NBEA: variants seen among roughly 807,000 people sequenced by gnomAD.
NBEA encodes the protein neurobeachin, also known as lysosomal-trafficking regulator 2.
In NBEA, 44 loss-of-function variants were observed where a neutral mutation model predicts 343.4. The ratio of observed to expected loss-of-function variants is 0.13; its 90% CI spans 0.10 to 0.16. The LOEUF is 0.16. Ranked by LOEUF, NBEA falls within the 10% of genes least tolerant of loss-of-function variation. The probability of loss-of-function intolerance (pLI) is 1.00; values close to 1 mark genes in which losing one functional copy is unlikely to be tolerated. For missense variants in NBEA, 2,555 were observed against 3,631.3 expected (o/e 0.70, Z 7.62); for synonymous variants, 1,175 against 1,238.7 (o/e 0.95, Z 1.08).
At chr13:35,107,273 G>T (rs2589649) in intron 11 of NBEA, among the ~76,000 whole-genome samples, 1 of 148,098 alleles carries the variant, frequency 6.8e-6, no homozygotes, top group Non-Finnish European at 1.5e-5. Flanking sequence ...TACTTGTTTT[G>T]GTTCCCCCCC....
rs1301256349 is a variant in NBEA at position 35,008,771 on chromosome 13, C to T, written c.295-32162C>T. 1.3e-5 allele frequency among the ~76,000 whole-genome samples: 2 copies of T among 152,304 alleles called. 1 individual carries two copies. Among genetic ancestry groups the T allele is most frequent in the Non-Finnish European group, 2.9e-5 (2 of 68,024 alleles). Reference sequence around the variant, plus strand: ...TGGAATCATACAATATGGTCTGTTGCTACTGCCTTCTTTCTACTTAATATA... The same window carrying T: ...TGGAATCATACAATATGGTCTGTTGTTACTGCCTTCTTTCTACTTAATATA... On this transcript the variant is annotated intron_variant, in intron 1 of 58. Coordinates refer to ENST00000379939, the MANE Select transcript of NBEA (RefSeq NM_001385012.1).
At position 35,484,234 on chromosome 13, in the gene NBEA, ATGTGTGTG is replaced by A. The variant is rs397851790; in HGVS notation, c.6585+11732_6585+11739del. Reference sequence around the variant, plus strand: ...TACTTAAATATTTACCTACATTAATATGTGTGTGTGTGTGTGTGTGTGTGTGTGTGTGT... The same window carrying A: ...TACTTAAATATTTACCTACATTAATATGTGTGTGTGTGTGTGTGTGTGTGT... On this transcript the variant is annotated intron_variant, in intron 41 of 58. Coordinates refer to ENST00000379939, the MANE Select transcript of NBEA (RefSeq NM_001385012.1). 4.3e-3 allele frequency among the ~76,000 whole-genome samples: 537 copies of A among 124,760 alleles called. 4 individuals are homozygous for A. Among genetic ancestry groups the A allele is most frequent in the African/African-American group, 4.9e-3 (167 of 34,330 alleles). The allele number at this position is 124,760 out of a possible 152,430, so 81.8% of individuals were successfully genotyped here.
chr13:35,120,153 G>A (rs1241920486), intron 16 of NBEA, among the ~76,000 whole-genome samples: 1 of 152,132 alleles, frequency 6.6e-6, no homozygotes, highest in Non-Finnish European at 1.5e-5. Flanking sequence ...TGTCTAGTAT[G>A]ATGAAATGCA....
chr13:35,413,316 A>T (rs578228206), intron 38 of NBEA, among the ~76,000 whole-genome samples: 1 of 152,320 alleles, frequency 6.6e-6, no homozygotes, highest in African/African-American at 2.4e-5. Flanking sequence ...ATTACCACTT[A>T]ACTCTTGTAG....
At chr13:35,154,185 A>T (rs1234034404) in intron 18 of NBEA, among the ~76,000 whole-genome samples, 1 of 152,174 alleles carries the variant, frequency 6.6e-6, no homozygotes, top group African/African-American at 2.4e-5. Context: ...GAACATTCCT[A>T]ATATACTTAT....
At chr13:35,240,561 G>A (rs2030076158) in intron 34 of NBEA, among the ~76,000 whole-genome samples, 1 of 151,840 alleles carries the variant, frequency 6.6e-6, no homozygotes, top group South Asian at 2.1e-4. Flanking sequence ...AATTAATACT[G>A]GAGGAAATTC....
chr13:34,956,700 A>T (rs2059503607), intron 1 of NBEA, among the ~76,000 whole-genome samples: 1 of 152,186 alleles, frequency 6.6e-6, no homozygotes, highest in African/African-American at 2.4e-5. Context: ...AGTACACAGT[A>T]CAATATTGTT....
At chr13:35,247,179 G>A (rs1183960895) in intron 34 of NBEA, among the ~76,000 whole-genome samples, 1 of 152,146 alleles carries the variant, frequency 6.6e-6, no homozygotes, top group East Asian at 1.9e-4. Context: ...CAGTGGGTGA[G>A]CAGGGCTGAG....
At chr13:35,016,012 A>G (rs982138958) in intron 1 of NBEA, among the ~76,000 whole-genome samples, 4 of 152,164 alleles carry the variant, frequency 2.6e-5, no homozygotes, top group African/African-American at 9.6e-5. Context: ...ACACAGTTGC[A>G]TTAGAATTGA....
chr13:35,516,671 A>T (rs902009273), intron 41 of NBEA, among the ~76,000 whole-genome samples: 1 of 151,932 alleles, frequency 6.6e-6, no homozygotes, highest in Non-Finnish European at 1.5e-5. Context: ...GCTAGTTTTG[A>T]TATGTGTCTT....
At chr13:35,643,359 C>T (rs981920624) in intron 49 of NBEA, among the ~76,000 whole-genome samples, 1 of 152,126 alleles carries the variant, frequency 6.6e-6, no homozygotes, top group Non-Finnish European at 1.5e-5. Flanking sequence ...TTGGGGGCTG[C>T]TAACTTCCTG....
chr13:35,595,717 A>G (rs2081761864), intron 47 of NBEA, among the ~76,000 whole-genome samples: 1 of 151,894 alleles, frequency 6.6e-6, no homozygotes, highest in South Asian at 2.1e-4. Context: ...TTTATTTTTT[A>G]AGATATTGCC....
At position 35,472,314 on chromosome 13, in the gene NBEA, C is replaced by G. The variant is rs1231510015; in HGVS notation, c.6449-86C>G. The G allele has an allele frequency of 1.3e-5, 19 of 1,461,120 alleles. 1 individual carries two copies. The South Asian group carries it at 1.7e-4, about 13-fold the overall frequency. 90.5% of individuals were successfully genotyped at this position (1,461,120 alleles called of 1,614,324 possible). Reference sequence around the variant, plus strand: ...CACCATTTTTTCTAGTGCATCCTTACCAATAAAAACCTCTGGTACCTTTCT... The same window carrying G: ...CACCATTTTTTCTAGTGCATCCTTAGCAATAAAAACCTCTGGTACCTTTCT... On this transcript the variant is annotated intron_variant, in intron 40 of 58. Coordinates refer to ENST00000379939, the MANE Select transcript of NBEA (RefSeq NM_001385012.1).
At chr13:35,581,800 G>A (rs1245649389) in intron 45 of NBEA, among the ~76,000 whole-genome samples, 1 of 149,078 alleles carries the variant, frequency 6.7e-6, no homozygotes, top group Non-Finnish European at 1.5e-5. Flanking sequence ...GAGTTAGTGG[G>A]TGCAGCGCAC....
chr13:35,310,859 C>G (rs558106213), intron 36 of NBEA, among the ~76,000 whole-genome samples: 2 of 152,066 alleles, frequency 1.3e-5, no homozygotes, highest in South Asian at 4.2e-4. Context: ...AAAGAATAGT[C>G]CTTGAAAATT....
At chr13:35,110,738 C>CT in intron 12 of NBEA, 72 bp from the exon 13 acceptor site, 1 of 1,221,878 alleles carries the variant, frequency 8.2e-7, no homozygotes. Flanking sequence ...TAAATTAAAA[C>CT]TGAATGTATA....
intron 1 of NBEA, among the ~76,000 whole-genome samples, chr13:34,969,609 C>G (rs1165821323): frequency 2.0e-5 from 3 of 152,042 alleles, no homozygotes; most frequent in Non-Finnish European, 4.4e-5. Flanking sequence ...TCAGTGTATT[C>G]TTACCATTTA....
At chr13:35,015,140 C>CAAAAAAAAAAAAAAAA (rs2061610416) in intron 1 of NBEA, among the ~76,000 whole-genome samples, 1 of 34,816 alleles carries the variant, frequency 2.9e-5, no homozygotes, top group Non-Finnish European at 5.1e-5. Flanking sequence ...AAAAAAAAAA[C>CAAAAAAAAAAAAAAAA]AAACAAAAAA....
At chr13:35,570,793 G>A (rs530319171) in intron 45 of NBEA, among the ~76,000 whole-genome samples, 1 of 152,210 alleles carries the variant, frequency 6.6e-6, no homozygotes. Context: ...AGATTTTAAT[G>A]TATGAAAATA....
Sources: gnomAD v4.1 joint callset for allele counts (sites outside exome capture counted in the v4.1 genomes callset) on GRCh38, gnomAD v4.1.1 for gene constraint, MANE v1.5 for transcripts, NCBI Gene and HGNC (gene_info 2026-07-23, HGNC 2026-07-21) for gene names.